The following MAML3 variants were observed in gnomAD, a reference collection of about 807,000 sequenced individuals.
MAML3 encodes mastermind-like protein 3.
In MAML3, 27 loss-of-function variants were observed where a neutral mutation model predicts 101.9. The ratio of observed to expected loss-of-function variants is 0.27; its 90% CI spans 0.20 to 0.37. MAML3 has a LOEUF of 0.37. MAML3 is among the 10% of genes least tolerant of loss of function. The pLI is 1.00. For synonymous variants in MAML3, 501 were observed against 555.9 expected (o/e 0.90, Z 1.39); for missense variants, 1,316 against 1,444.9 (o/e 0.91, Z 1.45).
intron 1 of MAML3, among the ~76,000 whole-genome samples, chr4:140,097,881 T>C (rs905463035): frequency 2.6e-5 from 4 of 152,184 alleles, no homozygotes; most frequent in African/African-American, 9.7e-5. Flanking sequence ...TGGCATAGGA[T>C]AGAGGGCATG....
intron 1 of MAML3, among the ~76,000 whole-genome samples, chr4:139,981,774 C>T (rs1734449198): frequency 4.6e-5 from 7 of 152,140 alleles, no homozygotes; most frequent in Admixed American, 4.6e-4. Context: ...TGGAGACTGA[C>T]AAGCTTGTAG....
At chr4:140,083,967 CAGAGAGAGAGAGAGAG>C (rs72201205) in intron 1 of MAML3, among the ~76,000 whole-genome samples, 1,314 of 81,234 alleles carry the variant, frequency 0.016, 27 homozygotes, top group African/African-American at 0.054. Flanking sequence ...CACACACACA[CAGAGAGAGAGAGAGAG>C]AGAGAGAGAG....
At chr4:139,969,575 ACAC>A (rs1463438977) in intron 1 of MAML3, among the ~76,000 whole-genome samples, 1 of 152,210 alleles carries the variant, frequency 6.6e-6, no homozygotes, top group African/African-American at 2.4e-5. Flanking sequence ...AAGCTCCCTG[ACAC>A]CACTTCTGGC....
At chr4:140,058,937 G>A (rs1727398244) in intron 1 of MAML3, among the ~76,000 whole-genome samples, 1 of 152,180 alleles carries the variant, frequency 6.6e-6, no homozygotes, top group African/African-American at 2.4e-5. Context: ...TTTCTCCTGA[G>A]AAGATGGCAT....
At chr4:140,086,149 T>A (rs1196963272) in intron 1 of MAML3, among the ~76,000 whole-genome samples, 5 of 152,246 alleles carry the variant, frequency 3.3e-5, no homozygotes, top group African/African-American at 1.2e-4. Context: ...TCTCTGTACA[T>A]ATACATAAAA....
chr4:140,011,063 A>G (rs1051022529), intron 1 of MAML3, among the ~76,000 whole-genome samples: 1 of 144,454 alleles, frequency 6.9e-6, no homozygotes, highest in African/African-American at 2.6e-5. Context: ...CACTGCTTGC[A>G]CTCTAGCCTG....
At chr4:140,124,531 G>A (rs759359530) in intron 1 of MAML3, among the ~76,000 whole-genome samples, 14 of 152,088 alleles carry the variant, frequency 9.2e-5, no homozygotes, top group Non-Finnish European at 1.8e-4. Flanking sequence ...TCTCTTAAGC[G>A]TCTGGAGACC....
chr4:139,720,016 C>G lies in MAML3; in HGVS notation c.2724G>C (p.Gly908=). The change falls in exon 5 of 5, where the codon GGG becomes GGC. Residue 908 remains glycine (G), a synonymous_variant. Coordinates refer to ENST00000509479, the MANE Select transcript of MAML3 (RefSeq NM_018717.5). ...QGPRQPASGQ[G]VGMVSGFGQS... ...GACCAAAGCCACTCACCATTCCAAC[C>G]CCCTGCCCAGAGGCAGGTTGCCTCG... The G allele has an allele frequency of 6.2e-7, 1 of 1,614,072 alleles. No individual in the cohort carries two copies. The highest frequency in any genetic ancestry group is 8.5e-7 in the Non-Finnish European group (1 of 1,179,900).
chr4:140,028,536 T>C (rs1726861688), intron 1 of MAML3, among the ~76,000 whole-genome samples: 1 of 152,218 alleles, frequency 6.6e-6, no homozygotes, highest in Admixed American at 6.5e-5. Flanking sequence ...ATTATTTCCA[T>C]TAACACTGGC....
At position 139,717,713 on chromosome 4, in the gene MAML3, T is replaced by G. The variant is rs1728042638; in HGVS notation, c.*1610A>C. ...ACAGGCTCCGACTCTTCCGTAGTGA[T>G]CTGCCTGGGAGTGCACAGAAGGCAG... On this transcript the variant is annotated 3_prime_UTR_variant, in exon 5 of 5. Transcript: ENST00000509479. 1 of 152,282 alleles carries G rather than the reference T, an allele frequency of 6.6e-6. No individual in the cohort carries two copies. Among genetic ancestry groups the G allele is most frequent in the South Asian group, 2.1e-4 (1 of 4,832 alleles). The allele number at this position is 152,282 out of a possible 1,614,324, so 9.4% of individuals were successfully genotyped here. A position where few individuals can be genotyped will look rare whatever the true frequency, so the allele number is the denominator to read the frequency against.
intron 2 of MAML3, among the ~76,000 whole-genome samples, chr4:139,784,037 A>G (rs138706251): frequency 1.1e-3 from 167 of 152,376 alleles, no homozygotes; most frequent in African/African-American, 3.8e-3. Context: ...AGATATTAAA[A>G]TGCATATGTT....
chr4:140,035,861 G>A (rs189525653), intron 1 of MAML3, among the ~76,000 whole-genome samples: 162 of 152,050 alleles, frequency 1.1e-3, no homozygotes, highest in African/African-American at 3.8e-3. Context: ...GAGGTTGAAC[G>A]GTAATGCTTT....
At chr4:139,730,992 A>G in intron 2 of MAML3, 1 of 334,810 alleles carries the variant, frequency 3.0e-6, no homozygotes, top group Non-Finnish European at 5.6e-6. Flanking sequence ...AAAGGGAATA[A>G]GCCCTCAGGC....
intron 2 of MAML3, among the ~76,000 whole-genome samples, chr4:139,861,293 A>G (rs1021802663): frequency 2.6e-5 from 4 of 151,504 alleles, no homozygotes; most frequent in African/African-American, 9.7e-5. Flanking sequence ...TCTATCCTCA[A>G]CTCATTCTCT....
chr4:140,077,461 T>A (rs1727789265), intron 1 of MAML3, among the ~76,000 whole-genome samples: 1 of 152,182 alleles, frequency 6.6e-6, no homozygotes, highest in Non-Finnish European at 1.5e-5. Context: ...CGTTGCCCCC[T>A]TCTCAATACA....
chr4:140,084,176 G>A (rs989952627), intron 1 of MAML3, among the ~76,000 whole-genome samples: 5 of 152,140 alleles, frequency 3.3e-5, no homozygotes, highest in Admixed American at 2.0e-4. Flanking sequence ...TAATATGCAC[G>A]TGAGAGAAAC....
chr4:140,148,400 T>TA (rs1197268368), intron 1 of MAML3, among the ~76,000 whole-genome samples: 3 of 152,188 alleles, frequency 2.0e-5, no homozygotes, highest in Non-Finnish European at 4.4e-5. Context: ...TATTGGAGCT[T>TA]AAAAAAATGC....
At chr4:140,032,810 T>C (rs1179969298) in intron 1 of MAML3, among the ~76,000 whole-genome samples, 2 of 150,140 alleles carry the variant, frequency 1.3e-5, no homozygotes, top group East Asian at 3.9e-4. Context: ...CACTTTTTGA[T>C]AAATTCCAAA....
intron 2 of MAML3, among the ~76,000 whole-genome samples, chr4:139,821,312 T>C (rs138023206): frequency 3.3e-5 from 5 of 152,150 alleles, no homozygotes; most frequent in African/African-American, 1.2e-4. Context: ...AGAGTGAGCA[T>C]TACCCCCTAA....
Sources: allele counts gnomAD v4.1 joint callset (sites outside exome capture counted in the v4.1 genomes callset), GRCh38; gene constraint gnomAD v4.1.1; transcripts MANE v1.5; gene names NCBI Gene and HGNC (gene_info 2026-07-23, HGNC 2026-07-21).